The following TENM2 variants were observed in gnomAD, a reference collection of about 807,000 sequenced individuals.
TENM2 encodes teneurin transmembrane protein 2.
A neutral mutation model predicts 245.2 loss-of-function variants in TENM2; 52 were observed. The observed-to-expected ratio is 0.21, with a 90% CI of 0.17 to 0.27. The LOEUF (loss-of-function observed/expected upper bound fraction) is 0.27. TENM2 is among the 10% of genes least tolerant of loss of function. TENM2 has a pLI of 1.00. For synonymous variants in TENM2, 1,363 were observed against 1,438.9 expected (o/e 0.95, Z 1.19); for missense variants, 3,046 against 3,666.8 (o/e 0.83, Z 4.37).
chr5:168,179,988 CT>C (rs1168643729), intron 13 of TENM2, among the ~76,000 whole-genome samples: 3 of 152,186 alleles, frequency 2.0e-5, no homozygotes, highest in Admixed American at 1.3e-4. Context: ...CTAAAATGCA[CT>C]GGCCTTGGGA....
the TENM2 span, among the ~76,000 whole-genome samples, chr5:167,276,349 AT>A: frequency 3.9e-3 from 245 of 62,656 alleles, 1 homozygote; most frequent in African/African-American, 9.7e-3. Context: ...GAGCCTGTTC[AT>A]TTTGTGTGTG....
At chr5:167,224,065 G>C in the TENM2 span, among the ~76,000 whole-genome samples, 6 of 152,130 alleles carry the variant, frequency 3.9e-5, no homozygotes, top group African/African-American at 1.4e-4. Context: ...TGTGTTGTTT[G>C]AGTTCCTTGT....
intron 2 of TENM2, among the ~76,000 whole-genome samples, chr5:167,575,402 C>T (rs1229014465): frequency 6.6e-6 from 1 of 151,628 alleles, no homozygotes; most frequent in Non-Finnish European, 1.5e-5. Context: ...TCAGCGGCCA[C>T]GGAAGGGAGG....
At chr5:167,235,411 A>G in the TENM2 span, among the ~76,000 whole-genome samples, 1 of 152,162 alleles carries the variant, frequency 6.6e-6, no homozygotes, top group South Asian at 2.1e-4. Context: ...TCACATGCGC[A>G]GCTCAACTCC....
At chr5:168,142,101 G>A (rs1755603153) in intron 12 of TENM2, among the ~76,000 whole-genome samples, 1 of 152,168 alleles carries the variant, frequency 6.6e-6, no homozygotes, top group Non-Finnish European at 1.5e-5. Context: ...GTCCATTCAA[G>A]CCCACCAGGC....
At chr5:167,758,389 G>C (rs1762443365) in intron 2 of TENM2, among the ~76,000 whole-genome samples, 1 of 152,108 alleles carries the variant, frequency 6.6e-6, no homozygotes, top group Admixed American at 6.6e-5. Flanking sequence ...TAGCTGATTG[G>C]CTCAATGGGA....
intron 2 of TENM2, among the ~76,000 whole-genome samples, chr5:167,647,199 T>C (rs1780020449): frequency 6.6e-6 from 1 of 152,062 alleles, no homozygotes; most frequent in Non-Finnish European, 1.5e-5. Flanking sequence ...CACAATAGCA[T>C]TGGAAACGAC....
At chr5:168,026,630 A>G (rs888726101) in intron 5 of TENM2, among the ~76,000 whole-genome samples, 2 of 152,174 alleles carry the variant, frequency 1.3e-5, no homozygotes, top group South Asian at 4.1e-4. Flanking sequence ...CAGCTTTTCT[A>G]CTTACCAGTG....
intron 2 of TENM2, among the ~76,000 whole-genome samples, chr5:167,430,675 A>G (rs1159642312): frequency 6.6e-6 from 1 of 152,194 alleles, no homozygotes; most frequent in East Asian, 1.9e-4. Context: ...AAACAAACAA[A>G]CAGAATCCCA....
intron 3 of TENM2, among the ~76,000 whole-genome samples, chr5:167,900,153 AGG>A (rs1775589307): frequency 1.2e-5 from 1 of 80,360 alleles, no homozygotes; most frequent in Non-Finnish European, 2.5e-5. Context: ...GGTTTTGGAA[AGG>A]AAAGGAATGA....
chr5:167,878,801 A>T (rs1175825660), intron 3 of TENM2, among the ~76,000 whole-genome samples: 1 of 152,208 alleles, frequency 6.6e-6, no homozygotes, highest in Non-Finnish European at 1.5e-5. Flanking sequence ...GAGGTGTCAC[A>T]GCACAAACAA....
chr5:168,168,915 AG>A (rs1305573668), intron 13 of TENM2, among the ~76,000 whole-genome samples: 6 of 152,164 alleles, frequency 3.9e-5, no homozygotes, highest in Non-Finnish European at 8.8e-5. Context: ...ACATTTGTTG[AG>A]GGTTTACTAA....
rs142550232 is a variant in TENM2, at chr5:167,671,410, G to A, written c.503-204576G>A. Reference sequence around the variant, plus strand: ...AACCTGATGTTTTAACATTTTTCTCGGGCATAGCTGAAGTCAGAGTCATCT... The same window carrying A: ...AACCTGATGTTTTAACATTTTTCTCAGGCATAGCTGAAGTCAGAGTCATCT... On this transcript the variant is annotated intron_variant, in intron 2 of 28. Transcript: ENST00000518659. Among the ~76,000 whole-genome samples the A allele has an allele frequency of 1.8e-4, 28 of 151,974 alleles. No individual in the cohort carries two copies. In the East Asian group the frequency reaches 3.5e-3, roughly 19 times the overall value.
intron 14 of TENM2, 172 bp downstream of exon 16, chr5:168,190,719 G>T (rs1760881068): frequency 1.7e-6 from 1 of 598,446 alleles, no homozygotes; most frequent in Non-Finnish European, 3.0e-6. Flanking sequence ...CTTTGTGTTG[G>T]GCTCCAGAAC....
At chr5:167,165,732 A>G in the TENM2 span, among the ~76,000 whole-genome samples, 2 of 152,388 alleles carry the variant, frequency 1.3e-5, no homozygotes, top group Admixed American at 1.3e-4. Context: ...AATATAAGGT[A>G]TAAATCTTCA....
chr5:168,197,913 G>C (rs748694620), intron 15 of TENM2, among the ~76,000 whole-genome samples: 3 of 152,274 alleles, frequency 2.0e-5, no homozygotes, highest in East Asian at 3.9e-4. Flanking sequence ...ACAGAGCAGA[G>C]GCTGATTAGA....
chr5:168,057,922 C>G (rs920995258), intron 6 of TENM2, among the ~76,000 whole-genome samples: 1 of 64,114 alleles, frequency 1.6e-5, no homozygotes. Flanking sequence ...TATGGCTTTA[C>G]TCTCTCTCTC....
intron 2 of TENM2, among the ~76,000 whole-genome samples, chr5:167,682,124 C>CCCTGCCTG (rs1169883905): frequency 6.2e-4 from 74 of 119,906 alleles, no homozygotes; most frequent in Non-Finnish European, 7.0e-4. Flanking sequence ...CTCCCTCCCT[C>CCCTGCCTG]CCTGCCTGCC....
the TENM2 span, among the ~76,000 whole-genome samples, chr5:167,093,003 G>A: frequency 3.9e-5 from 6 of 152,116 alleles, no homozygotes; most frequent in African/African-American, 1.4e-4. Context: ...TGACTTTATC[G>A]GGGTCTCCAG....
Sources: allele counts gnomAD v4.1 joint callset (sites outside exome capture counted in the v4.1 genomes callset), GRCh38; gene constraint gnomAD v4.1.1; transcripts MANE v1.5; gene names NCBI Gene and HGNC (gene_info 2026-07-23, HGNC 2026-07-21).